Variants in GALNT7 observed in about 807,000 individuals in gnomAD.
The protein encoded by GALNT7 is N-acetylgalactosaminyltransferase 7.
GALNT7 carries 60 observed loss-of-function variants against 82.1 expected under a neutral mutation model. The ratio of observed to expected loss-of-function variants is 0.73; its 90% CI spans 0.59 to 0.91. The LOEUF (loss-of-function observed/expected upper bound fraction) is 0.91, where lower values mean the gene tolerates loss of function less well. Among genes scored for constraint, GALNT7 ranks in the 40% least tolerant of loss-of-function variants. The pLI is 0.00. For synonymous variants in GALNT7, 243 were observed against 275.1 expected (o/e 0.88, Z 1.15); for missense variants, 660 against 804.2 (o/e 0.82, Z 2.17).
chr4:173,226,020 C>G (rs1269708011), intron 1 of GALNT7, among the ~76,000 whole-genome samples: 1 of 152,128 alleles, frequency 6.6e-6, no homozygotes, highest in Non-Finnish European at 1.5e-5. Context: ...CAGACTGCCC[C>G]TGGAAGGAGG....
At chr4:173,274,709 C>T (rs1735839004) in intron 2 of GALNT7, among the ~76,000 whole-genome samples, 1 of 152,210 alleles carries the variant, frequency 6.6e-6, no homozygotes, top group Non-Finnish European at 1.5e-5. Flanking sequence ...ATTAGAACTG[C>T]ATTGCCTCAG....
At chr4:173,305,078 T>C (rs1376617792) in intron 8 of GALNT7, among the ~76,000 whole-genome samples, 3 of 152,174 alleles carry the variant, frequency 2.0e-5, no homozygotes, top group Admixed American at 2.0e-4. Context: ...CTATTTTTAA[T>C]ATTCTGAGGA....
At chr4:173,317,582 C>A (rs769689993) in intron 9 of GALNT7, 52 bp from the exon 10 acceptor site, 5 of 1,061,458 alleles carry the variant, frequency 4.7e-6, no homozygotes, top group South Asian at 1.3e-5. Flanking sequence ...TGCCAGAGTT[C>A]ATCAAAAACT....
intron 1 of GALNT7, among the ~76,000 whole-genome samples, chr4:173,181,284 C>T (rs551981098): frequency 3.5e-4 from 54 of 152,226 alleles, no homozygotes; most frequent in Non-Finnish European, 4.6e-4. Flanking sequence ...CCTGCAGTTT[C>T]GTTAACTGTT....
chr4:173,210,336 C>T (rs1051474421), intron 1 of GALNT7, among the ~76,000 whole-genome samples: 5 of 152,070 alleles, frequency 3.3e-5, no homozygotes, highest in Non-Finnish European at 7.4e-5. Context: ...GGAAATTTAC[C>T]GTCATTGACT....
chr4:173,297,692 C>G (rs1417486383), intron 5 of GALNT7: 22 of 524,300 alleles, frequency 4.2e-5, no homozygotes, highest in South Asian at 3.2e-4. Context: ...TTAAAGTCCC[C>G]TAGTGCACAA....
chr4:173,265,647 C>T (rs1193820780), intron 2 of GALNT7, among the ~76,000 whole-genome samples: 4 of 135,052 alleles, frequency 3.0e-5, no homozygotes, highest in Non-Finnish European at 6.4e-5. Context: ...CCCCAAGACC[C>T]CCTCATTCCC....
At chr4:173,301,616 A>G (rs1483200762) in intron 6 of GALNT7, among the ~76,000 whole-genome samples, 4 of 152,244 alleles carry the variant, frequency 2.6e-5, no homozygotes, top group African/African-American at 9.6e-5. Flanking sequence ...AAAAAATGAC[A>G]GACTACTTCC....
chr4:173,237,842 G>A (rs1734286806), intron 1 of GALNT7, among the ~76,000 whole-genome samples: 1 of 151,812 alleles, frequency 6.6e-6, no homozygotes, highest in African/African-American at 2.4e-5. Flanking sequence ...AAAGAGCATC[G>A]AGAAAAGAGA....
chr4:173,201,471 G>T (rs546239908), intron 1 of GALNT7, among the ~76,000 whole-genome samples: 1 of 152,278 alleles, frequency 6.6e-6, no homozygotes, highest in Admixed American at 6.5e-5. Context: ...AGAAAAAAAT[G>T]TAAGTGCTTT....
intron 2 of GALNT7, among the ~76,000 whole-genome samples, chr4:173,282,965 G>A (rs1736168340): frequency 6.6e-6 from 1 of 152,146 alleles, no homozygotes; most frequent in African/African-American, 2.4e-5. Flanking sequence ...GAATTTGTAG[G>A]ATAATTGCCC....
intron 1 of GALNT7, among the ~76,000 whole-genome samples, chr4:173,173,078 A>G (rs1344221491): frequency 6.6e-6 from 1 of 152,148 alleles, no homozygotes; most frequent in Non-Finnish European, 1.5e-5. Flanking sequence ...AAAAAAATAA[A>G]TTGATTCAAG....
intron 7 of GALNT7, among the ~76,000 whole-genome samples, chr4:173,303,194 CAA>C (rs567660945): frequency 2.3e-5 from 3 of 128,296 alleles, no homozygotes; most frequent in Non-Finnish European, 1.7e-5. Context: ...GACTCCGTCT[CAA>C]AAAAAAAAAA....
chr4:173,178,052 T>TGC lies in GALNT7; in HGVS notation c.126+9096_126+9097dup, dbSNP rs60869480. ...GTGTGTGTGTGTGTGTGTGTGTGTG[T>TGC]GCGCGCACGCGCGTGCGCACAGACA... On this transcript the variant is annotated intron_variant, in intron 1 of 11. Transcript: ENST00000265000. Among the ~76,000 whole-genome samples, 522 of 129,480 alleles carry TGC rather than the reference T, an allele frequency of 4.0e-3. 4 individuals are homozygous for TGC. The highest frequency in any genetic ancestry group is 0.011 in the African/African-American group (355 of 32,746). 84.9% of individuals were successfully genotyped at this position (129,480 alleles called of 152,430 possible).
intron 1 of GALNT7, among the ~76,000 whole-genome samples, chr4:173,237,129 A>G (rs1734260076): frequency 6.6e-6 from 1 of 152,234 alleles, no homozygotes; most frequent in African/African-American, 2.4e-5. Flanking sequence ...TGCCATGGTA[A>G]TAAAATGTTG....
At chr4:173,317,526 T>C (rs933736259) in intron 9 of GALNT7, 108 bp from the exon 10 acceptor site, 6 of 719,394 alleles carry the variant, frequency 8.3e-6, no homozygotes, top group Non-Finnish European at 1.5e-5. Context: ...CATACCCAGA[T>C]TTTCCCTGTA....
rs1579923353 is a variant in GALNT7, at chr4:173,220,245, A to G, written c.127-27735A>G. On this transcript the variant is annotated intron_variant, in intron 1 of 11. Coordinates refer to ENST00000265000, the MANE Select transcript of GALNT7 (RefSeq NM_017423.3). Reference sequence around the variant, plus strand: ...CCATTTAGCACCATTTGTTGAATACAGTGTCCTTTCCCCACTTTATGTTTT... The same window carrying G: ...CCATTTAGCACCATTTGTTGAATACGGTGTCCTTTCCCCACTTTATGTTTT... 3.3e-5 allele frequency among the ~76,000 whole-genome samples: 5 copies of G among 152,292 alleles called. No individual in the cohort carries two copies. The East Asian group carries it at 7.7e-4, about 24-fold the overall frequency.
rs1737685164 is a variant in GALNT7 at position 173,318,539 on chromosome 4, A to C, written c.1816A>C (p.Lys606Gln). The change falls in exon 11 of 12, where the codon AAG (lysine) becomes CAG (glutamine). Residue 606 changes from lysine to glutamine, a missense_variant. Transcript: ENST00000265000. Reference sequence around the variant, plus strand: ...TACACACTGTAATCTAAATGAATTTAAGGAATGGCAGTACTTCAAGGTATT... The same window carrying C: ...TACACACTGTAATCTAAATGAATTTCAGGAATGGCAGTACTTCAAGGTATT... Reference protein sequence around the residue: ...MITHCNLNEFKEWQYFKNLHR... With the variant: ...MITHCNLNEFQEWQYFKNLHR... 1.9e-6 allele frequency: 3 copies of C among 1,571,832 alleles called. No individual in the cohort carries two copies. The East Asian group carries it at 6.8e-5, about 35-fold the overall frequency.
At chr4:173,233,999 G>T (rs9996148) in intron 1 of GALNT7, among the ~76,000 whole-genome samples, 1 of 152,044 alleles carries the variant, frequency 6.6e-6, no homozygotes, top group Non-Finnish European at 1.5e-5. Context: ...CTCCAGTTGG[G>T]CTCTTGACAC....
Sources: allele counts gnomAD v4.1 joint callset (sites outside exome capture counted in the v4.1 genomes callset), GRCh38; gene constraint gnomAD v4.1.1; transcripts MANE v1.5; gene names NCBI Gene and HGNC (gene_info 2026-07-23, HGNC 2026-07-21).